Variants in SMIM1 observed in about 807,000 individuals in gnomAD.
SMIM1 encodes the protein small integral membrane protein 1 (Vel blood group).
In SMIM1, 7 loss-of-function variants were observed where a neutral mutation model predicts 7.7. That is an observed-to-expected ratio of 0.91 (90% confidence interval 0.52 to 1.71). The LOEUF (loss-of-function observed/expected upper bound fraction) is 1.71, where lower values mean the gene tolerates loss of function less well. SMIM1 is among the 40% of genes most tolerant of loss of function. SMIM1 has a pLI of 0.00. For synonymous variants in SMIM1, 41 were observed against 42.7 expected, an observed-to-expected ratio of 0.96 and a Z score of 0.16; for missense variants, 95 against 102.8, an observed-to-expected ratio of 0.92 and a Z score of 0.33.
rs1186505563 is a variant in SMIM1, at chr1:3,775,117, G to A, written c.-75-182G>A. 6.6e-6 allele frequency among the ~76,000 whole-genome samples: 1 copy of A among 152,046 alleles called. No homozygotes were observed. The highest frequency in any genetic ancestry group is 1.5e-5 in the Non-Finnish European group (1 of 67,998). On this transcript the variant is annotated intron_variant, in intron 2 of 3. Coordinates refer to ENST00000642557, the MANE Select transcript of SMIM1 (RefSeq NM_001288583.2). The surrounding 1 kb of genome is among the most constrained non-coding windows in gnomAD (Gnocchi z 5.3). ...GGGCTTGGCCTGAGATGGAATTCTC[G>A]CTTGGTCCCATCCTCCCGGCCTGAC...
Position 3,775,609 on chromosome 1 carries a change from A to T in SMIM1, c.110+126A>T. On this transcript the variant is annotated intron_variant, in intron 3 of 3. Transcript: ENST00000642557. The surrounding 1 kb of genome is among the most constrained non-coding windows in gnomAD (Gnocchi z 5.3). ...CATCCTGGCTGGGAGCCCACGGTCC[A>T]GCAGCTCAGCAAACCGCAGCCTTTG... The T allele has an allele frequency of 4.7e-6, 6 of 1,273,298 alleles. No homozygotes were observed. Among genetic ancestry groups the T allele is most frequent in the Non-Finnish European group, 6.4e-6 (6 of 940,354 alleles). 78.9% of individuals were successfully genotyped at this position (1,273,298 alleles called of 1,614,324 possible). A position where few individuals can be genotyped will look rare whatever the true frequency, so the allele number is the denominator to read the frequency against.
chr1:3,774,662 A>C (rs1196197631), intron 2 of SMIM1, among the ~76,000 whole-genome samples: 1 of 150,144 alleles, frequency 6.7e-6, no homozygotes, highest in African/African-American at 2.4e-5. Context: ...GGCCTCCCCA[A>C]GGCCTTGAAT....
intron 2 of SMIM1, among the ~76,000 whole-genome samples, chr1:3,773,983 T>A (rs547142910): frequency 1.3e-5 from 2 of 152,160 alleles, no homozygotes; most frequent in African/African-American, 4.8e-5. Context: ...AGGCACACTT[T>A]ATGGCTTTGA....
At chr1:3,774,380 G>A (rs1423061303) in intron 2 of SMIM1, among the ~76,000 whole-genome samples, 2 of 152,126 alleles carry the variant, frequency 1.3e-5, no homozygotes, top group East Asian at 1.9e-4. Flanking sequence ...ATAGGAGGTC[G>A]AAACAGAGGC....
rs1643406471 is a variant in SMIM1, at chr1:3,773,176, C to T, written c.-81C>T. 1 of 152,384 alleles carries T rather than the reference C, an allele frequency of 6.6e-6. No homozygotes were observed. Among genetic ancestry groups the T allele is most frequent in the Non-Finnish European group, 1.5e-5 (1 of 68,170 alleles). 9.4% of individuals were successfully genotyped at this position (152,384 alleles called of 1,614,324 possible). A position where few individuals can be genotyped will look rare whatever the true frequency, so the allele number is the denominator to read the frequency against. On this transcript the variant is annotated 5_prime_UTR_variant, in exon 2 of 4. Coordinates refer to ENST00000642557, the MANE Select transcript of SMIM1 (RefSeq NM_001288583.2). The stretch of plus-strand genomic sequence containing the variant: ...GAGGCCCCAGCCCTCAGGCAAGGTT[C>T]TCCGGGTAAGTGTGGGGCCCTGAGG...
At position 3,775,103 on chromosome 1, in the gene SMIM1, G is replaced by C. The variant is rs1248925882; in HGVS notation, c.-75-196G>C. Among the ~76,000 whole-genome samples the C allele has an allele frequency of 6.6e-6, 1 of 152,124 alleles. No individual in the cohort carries two copies. Among genetic ancestry groups the C allele is most frequent in the Non-Finnish European group, 1.5e-5 (1 of 68,012 alleles). Reference sequence around the variant, plus strand: ...CATGCCTGAGGTCAGGGCTTGGCCTGAGATGGAATTCTCGCTTGGTCCCAT... The same window carrying C: ...CATGCCTGAGGTCAGGGCTTGGCCTCAGATGGAATTCTCGCTTGGTCCCAT... On this transcript the variant is annotated intron_variant, in intron 2 of 3. Coordinates refer to ENST00000642557, the MANE Select transcript of SMIM1 (RefSeq NM_001288583.2). The surrounding 1 kb of genome is among the most constrained non-coding windows in gnomAD (Gnocchi z 5.3).
Position 3,775,798 on chromosome 1 carries a change from C to G in SMIM1, c.114C>G (p.Ile38Met). Residue 38 changes from isoleucine to methionine, a missense_variant, in exon 4 of 4, where the codon ATC becomes ATG. Transcript: ENST00000642557. The surrounding 1 kb of genome is among the most constrained non-coding windows in gnomAD (Gnocchi z 5.3). ...CTCCAGTTGGTTCTCACCCCAGGAT[C>G]TCCCAGAGGCTGTGCACGGGCAAGC... Reference protein sequence around the residue: ...STEEASRCRRISQRLCTGKLG... With the variant: ...STEEASRCRRMSQRLCTGKLG... 3.2e-6 allele frequency: 5 copies of G among 1,550,006 alleles called. No individual in the cohort carries two copies. Among genetic ancestry groups the G allele is most frequent in the Non-Finnish European group, 4.4e-6 (5 of 1,146,798 alleles).
chr1:3,774,777 G>A (rs1392345748), intron 2 of SMIM1, among the ~76,000 whole-genome samples: 1 of 152,106 alleles, frequency 6.6e-6, no homozygotes, highest in Admixed American at 6.5e-5. Context: ...GGACACAGCT[G>A]CTGCCACTGC....
chr1:3,773,784 T>C (rs1296899573), intron 2 of SMIM1, among the ~76,000 whole-genome samples: 2 of 152,178 alleles, frequency 1.3e-5, no homozygotes, highest in Non-Finnish European at 2.9e-5. Flanking sequence ...GGGTCATGGC[T>C]GTTACCTGGG....
Position 3,775,399 on chromosome 1 carries a change from A to T in SMIM1, c.26A>T (p.His9Leu). 6.5e-7 allele frequency: 1 copy of T among 1,549,996 alleles called. No individual in the cohort carries two copies. Among genetic ancestry groups the T allele is most frequent in the Non-Finnish European group, 8.7e-7 (1 of 1,146,610 alleles). ...ATGCAGCCCCAGGAGAGCCACGTCC[A>T]CTATAGTAGGTGGGAGGACGGCAGC... is the stretch of plus-strand genomic sequence containing the variant. MQPQESHVHYSRWEDGSRD... is the reference protein window; with the variant it reads MQPQESHVLYSRWEDGSRD... Residue 9 changes from histidine to leucine, a missense_variant, in exon 3 of 4, where the codon CAC (histidine) becomes CTC (leucine). Physicochemically the swap from His to Leu is moderately conservative, Grantham distance 99 (BLOSUM62 -3). Coordinates refer to ENST00000642557, the MANE Select transcript of SMIM1 (RefSeq NM_001288583.2). This position sits in a 1 kb window ranked among gnomAD's most constrained non-coding sequence, Gnocchi z 5.3.
Position 3,775,521 on chromosome 1 carries a change from C to CTG in SMIM1, c.110+39_110+40dup, listed in dbSNP as rs1397155169. ...AGGGCAGCCTGCCAGCCATAGCAGG[C>CTG]TGGTGTCTCCCTCCAGAGACGCCTG... is the stretch of plus-strand genomic sequence containing the variant. On this transcript the variant is annotated intron_variant, in intron 3 of 3. Coordinates refer to ENST00000642557, the MANE Select transcript of SMIM1 (RefSeq NM_001288583.2). The surrounding 1 kb of genome is among the most constrained non-coding windows in gnomAD (Gnocchi z 5.3). The CTG allele has an allele frequency of 6.6e-7, 1 of 1,516,386 alleles. No homozygotes were observed. Among genetic ancestry groups the CTG allele is most frequent in the East Asian group, 2.5e-5 (1 of 40,658 alleles). 93.9% of individuals were successfully genotyped at this position (1,516,386 alleles called of 1,614,324 possible). A position where few individuals can be genotyped will look rare whatever the true frequency, so the allele number is the denominator to read the frequency against.
At position 3,775,939 on chromosome 1, in the gene SMIM1, C is replaced by T. The variant is rs61759304; in HGVS notation, c.*18C>T. On this transcript the variant is annotated 3_prime_UTR_variant, in exon 4 of 4. Transcript: ENST00000642557. This position sits in a 1 kb window ranked among gnomAD's most constrained non-coding sequence, Gnocchi z 5.3. ...GCAAATAAATGCTGCCCCGCATGCA[C>T]GCGGGGGGCTGGCCGCACACGTGAG... is the stretch of plus-strand genomic sequence containing the variant. 9.1e-5 allele frequency: 140 copies of T among 1,545,580 alleles called. 1 individual carries two copies. Among genetic ancestry groups the T allele is most frequent in the Middle Eastern group, 8.4e-4 (5 of 5,968 alleles).
intron 2 of SMIM1, among the ~76,000 whole-genome samples, chr1:3,774,149 G>A (rs1233437686): frequency 1.3e-5 from 2 of 152,188 alleles, no homozygotes; most frequent in Non-Finnish European, 2.9e-5. Flanking sequence ...TGGGAGGAAG[G>A]TCAGCCTTCC....
rs1643403771 is a variant in SMIM1, at chr1:3,773,056, T to A, written c.-194-7T>A. On this transcript the variant is annotated splice_polypyrimidine_tract_variant and splice_region_variant and intron_variant, in intron 1 of 3. Coordinates refer to ENST00000642557, the MANE Select transcript of SMIM1 (RefSeq NM_001288583.2). ...ATCGGCTTCTCCGGTCACCTTTATT[T>A]TTTTAGGCTCGAGGCGTCTGCCGCA... is the stretch of plus-strand genomic sequence containing the variant. 6.6e-6 allele frequency: 1 copy of A among 152,204 alleles called. No homozygotes were observed. Among genetic ancestry groups the A allele is most frequent in the East Asian group, 1.9e-4 (1 of 5,172 alleles). The allele number at this position is 152,204 out of a possible 1,614,324, so 9.4% of individuals were successfully genotyped here.
At chr1:3,773,773 C>T (rs576832243) in intron 2 of SMIM1, among the ~76,000 whole-genome samples, 8 of 152,284 alleles carry the variant, frequency 5.3e-5, no homozygotes, top group East Asian at 1.9e-4. Flanking sequence ...TTGTCTTACC[C>T]GGGTCATGGC....
rs1643440407 is a variant in SMIM1 at position 3,775,260 on chromosome 1, G to C, written c.-75-39G>C. 1 of 705,862 alleles carries C rather than the reference G, an allele frequency of 1.4e-6. No individual in the cohort carries two copies. Among genetic ancestry groups the C allele is most frequent in the Non-Finnish European group, 2.3e-6 (1 of 432,136 alleles). The allele number at this position is 705,862 out of a possible 1,614,324, so 43.7% of individuals were successfully genotyped here. ...CCCTCTCCTAACAGCAGCCTCAGAG[G>C]GGGTCTTGACTGCCGCCCTCCATCC... On this transcript the variant is annotated intron_variant, in intron 2 of 3. Coordinates refer to ENST00000642557, the MANE Select transcript of SMIM1 (RefSeq NM_001288583.2). This position sits in a 1 kb window ranked among gnomAD's most constrained non-coding sequence, Gnocchi z 5.3.
In SMIM1 at chr1:3,775,944, G is replaced by C. The variant is rs184888506; in HGVS notation, c.*23G>C. The C allele has an allele frequency of 9.8e-5, 152 of 1,543,860 alleles. No homozygotes were observed. Among genetic ancestry groups the C allele is most frequent in the Non-Finnish European group, 1.3e-4 (146 of 1,145,712 alleles). ...TAAATGCTGCCCCGCATGCACGCGG[G>C]GGGCTGGCCGCACACGTGAGAGCAC... On this transcript the variant is annotated 3_prime_UTR_variant, in exon 4 of 4. Coordinates refer to ENST00000642557, the MANE Select transcript of SMIM1 (RefSeq NM_001288583.2). This position sits in a 1 kb window ranked among gnomAD's most constrained non-coding sequence, Gnocchi z 5.3.
intron 2 of SMIM1, among the ~76,000 whole-genome samples, chr1:3,774,896 C>T (rs1472365953): frequency 1.3e-5 from 2 of 152,058 alleles, no homozygotes; most frequent in South Asian, 2.1e-4. Flanking sequence ...CCAGCCTCCC[C>T]AGAGGCCAGA....
chr1:3,773,476 A>G (rs1269220698), intron 2 of SMIM1, among the ~76,000 whole-genome samples: 1 of 152,312 alleles, frequency 6.6e-6, no homozygotes, highest in East Asian at 1.9e-4. Context: ...ACAGGAACCC[A>G]TGATCCCAGA....
Sources: gnomAD v4.1 joint callset for allele counts (sites outside exome capture counted in the v4.1 genomes callset) on GRCh38, gnomAD v4.1.1 for gene constraint, Gnocchi (gnomAD v3.1) non-coding constraint, MANE v1.5 for transcripts, NCBI Gene and HGNC (gene_info 2026-07-23, HGNC 2026-07-21) for gene names.